Variants in OR10J1 observed in about 807,000 individuals in gnomAD.
OR10J1 encodes olfactory receptor family 10 subfamily J member 1.
For missense variants in OR10J1, 474 were observed against 376.6 expected (o/e 1.26, Z -2.14); for synonymous variants, 202 against 143.8 (o/e 1.40, Z -2.89).
chr1:159,415,875 G>A, the OR10J1 span, among the ~76,000 whole-genome samples: 5 of 151,464 alleles, frequency 3.3e-5, no homozygotes, highest in Non-Finnish European at 7.4e-5. Flanking sequence ...ATGTTTTATA[G>A]TTTTTCTTGC....
chr1:159,408,438 G>A, the OR10J1 span, among the ~76,000 whole-genome samples: 1 of 148,264 alleles, frequency 6.7e-6, no homozygotes, highest in East Asian at 2.0e-4. Context: ...ACACAGGAAG[G>A]GGAACATCAC....
chr1:159,418,330 T>G, the OR10J1 span, among the ~76,000 whole-genome samples: 1 of 152,098 alleles, frequency 6.6e-6, no homozygotes, highest in Non-Finnish European at 1.5e-5. Flanking sequence ...AAAAAGGGGT[T>G]TCCTGGGCCA....
At chr1:159,401,086 A>G in the OR10J1 span, among the ~76,000 whole-genome samples, 1 of 151,798 alleles carries the variant, frequency 6.6e-6, no homozygotes, top group Non-Finnish European at 1.5e-5. Flanking sequence ...ACCAAAACCT[A>G]TGGGATATAG....
the OR10J1 span, among the ~76,000 whole-genome samples, chr1:159,399,771 C>A: frequency 1.3e-5 from 2 of 151,818 alleles, no homozygotes. Context: ...AATAGAAGGA[C>A]TAAATGATGA....
At chr1:159,414,609 C>G in the OR10J1 span, among the ~76,000 whole-genome samples, 7 of 152,094 alleles carry the variant, frequency 4.6e-5, no homozygotes, top group Non-Finnish European at 7.4e-5. Flanking sequence ...ATATACCCAA[C>G]AGCAGAATTG....
chr1:159,401,430 T>G, the OR10J1 span, among the ~76,000 whole-genome samples: 1 of 152,114 alleles, frequency 6.6e-6, no homozygotes, highest in South Asian at 2.1e-4. Context: ...TTGCAACTGA[T>G]ACTGCAGAAA....
At chr1:159,408,519 G>A in the OR10J1 span, among the ~76,000 whole-genome samples, 2 of 151,342 alleles carry the variant, frequency 1.3e-5, no homozygotes, top group Non-Finnish European at 2.9e-5. Flanking sequence ...AATGCTAGAT[G>A]ACGAGTTGGT....
the OR10J1 span, among the ~76,000 whole-genome samples, chr1:159,408,460 T>C: frequency 1.4e-4 from 13 of 94,030 alleles, no homozygotes; most frequent in Non-Finnish European, 2.7e-4. Context: ...CTCTGGGGAC[T>C]GTTGGGGGAT....
At chr1:159,407,567 T>TGA in the OR10J1 span, among the ~76,000 whole-genome samples, 1 of 152,106 alleles carries the variant, frequency 6.6e-6, no homozygotes, top group African/African-American at 2.4e-5. Flanking sequence ...AGAATTCCAA[T>TGA]GATGATTTTA....
chr1:159,399,070 C>T, the OR10J1 span, among the ~76,000 whole-genome samples: 1 of 151,800 alleles, frequency 6.6e-6, no homozygotes, highest in Non-Finnish European at 1.5e-5. Context: ...TACAATTAAG[C>T]TTCACTACAT....
chr1:159,423,297 G>T, the OR10J1 span, among the ~76,000 whole-genome samples: 197 of 152,094 alleles, frequency 1.3e-3, 1 homozygote, highest in African/African-American at 4.4e-3. Context: ...TTAGCTTTTG[G>T]TTTACATGCT....
At chr1:159,430,676 C>CGA in the OR10J1 span, among the ~76,000 whole-genome samples, 7 of 47,258 alleles carry the variant, frequency 1.5e-4, no homozygotes, top group Non-Finnish European at 5.4e-4. Flanking sequence ...TGTGCGCGCG[C>CGA]GCACATGTTT....
chr1:159,411,891 C>A, the OR10J1 span, among the ~76,000 whole-genome samples: 2 of 152,006 alleles, frequency 1.3e-5, no homozygotes, highest in African/African-American at 4.8e-5. Context: ...AAGAGGAAGT[C>A]AAATTGTCCC....
upstream of OR10J1, among the ~76,000 whole-genome samples, chr1:159,439,214 T>C (rs2101708182): frequency 1.3e-5 from 2 of 152,334 alleles, no homozygotes; most frequent in African/African-American, 2.4e-5. Context: ...AGGAGGATGA[T>C]TCATAGTCTT....
chr1:159,433,665 C>T (rs1655653147), upstream of OR10J1, among the ~76,000 whole-genome samples: 1 of 152,098 alleles, frequency 6.6e-6, no homozygotes, highest in African/African-American at 2.4e-5. Context: ...ATTCCCCTGC[C>T]CCATCCTGCT....
chr1:159,403,782 G>A, the OR10J1 span, among the ~76,000 whole-genome samples: 1 of 152,108 alleles, frequency 6.6e-6, no homozygotes, highest in Non-Finnish European at 1.5e-5. Flanking sequence ...ACAAAAGAAA[G>A]GAAATCAGTA....
the OR10J1 span, among the ~76,000 whole-genome samples, chr1:159,400,465 A>C: frequency 6.6e-6 from 1 of 151,630 alleles, no homozygotes; most frequent in African/African-American, 2.4e-5. Context: ...TGAAAACTAT[A>C]AGAAAAGACA....
upstream of OR10J1, chr1:159,439,674 C>A: frequency 8.0e-7 from 1 of 1,251,514 alleles, no homozygotes; most frequent in Non-Finnish European, 1.1e-6. Context: ...GGAAATACAT[C>A]ACCAGATTTG....
the OR10J1 span, chr1:159,406,217 G>C: frequency 3.8e-6 from 2 of 526,822 alleles, no homozygotes; most frequent in Middle Eastern, 3.2e-4. Context: ...ATGTCCAGGC[G>C]AGTAATGGTC....
Sources: allele counts gnomAD v4.1 joint callset (sites outside exome capture counted in the v4.1 genomes callset), GRCh38; gene constraint gnomAD v4.1.1; transcripts MANE v1.5; gene names NCBI Gene and HGNC (gene_info 2026-07-23, HGNC 2026-07-21).